The following IKZF1 variants were observed in gnomAD, a reference collection of about 807,000 sequenced individuals.
The protein encoded by IKZF1 is IKAROS family zinc finger 1.
In IKZF1, 10 loss-of-function variants were observed where a neutral mutation model predicts 51.7. The ratio of observed to expected loss-of-function variants is 0.19; its 90% CI spans 0.12 to 0.33. The LOEUF is 0.33. Ranked by LOEUF, IKZF1 falls within the 10% of genes least tolerant of loss-of-function variation. IKZF1 has a pLI of 1.00. For missense variants in IKZF1, 484 were observed against 707.5 expected, an observed-to-expected ratio of 0.68 and a Z score of 3.58; for synonymous variants, 280 against 282.3, an observed-to-expected ratio of 0.99 and a Z score of 0.08.
intron 3 of IKZF1, among the ~76,000 whole-genome samples, chr7:50,351,085 G>T (rs1257251336): frequency 2.0e-5 from 3 of 152,084 alleles, no homozygotes; most frequent in Non-Finnish European, 2.9e-5. Context: ...ATTAACTATA[G>T]ACTTCATTAG....
intron 2 of IKZF1, among the ~76,000 whole-genome samples, chr7:50,325,496 C>T (rs1452638611): frequency 6.6e-5 from 10 of 152,208 alleles, no homozygotes; most frequent in African/African-American, 1.2e-4. Flanking sequence ...ATTTATAGGC[C>T]GGGCGCAGTG....
intron 3 of IKZF1, chr7:50,368,192 A>G: frequency 2.8e-6 from 2 of 703,304 alleles, no homozygotes. Flanking sequence ...TATTCGTTAG[A>G]CACCTACCAT....
intron 4 of IKZF1, among the ~76,000 whole-genome samples, chr7:50,380,089 G>A (rs749126154): frequency 2.0e-4 from 30 of 152,282 alleles, no homozygotes; most frequent in South Asian, 1.0e-3. Context: ...CACACATGGC[G>A]TGGGCTGCGT....
rs1585035548 is a variant in IKZF1 at position 50,399,937 on chromosome 7, C to T, written c.870C>T (p.Asp290=). ...QKFLGDKGLS[D]TPYDSSASYE... ...CCACAGGGGACAAGGGCCTGTCCGA[C>T]ACGCCCTACGACAGCAGCGCCAGCT... The change falls in exon 8 of 8, where the codon GAC becomes GAT. Residue 290 remains aspartate (D), a synonymous_variant. Coordinates refer to ENST00000331340, the MANE Select transcript of IKZF1 (RefSeq NM_006060.6). 6.2e-7 allele frequency: 1 copy of T among 1,612,794 alleles called. No homozygotes were observed. Among genetic ancestry groups the T allele is most frequent in the Non-Finnish European group, 8.5e-7 (1 of 1,179,646 alleles).
chr7:50,323,994 A>G (rs1206287008), intron 2 of IKZF1, among the ~76,000 whole-genome samples: 5 of 152,212 alleles, frequency 3.3e-5, no homozygotes, highest in African/African-American at 1.2e-4. Flanking sequence ...TCAAGCCAGA[A>G]AGCCAGAACT....
intron 3 of IKZF1, among the ~76,000 whole-genome samples, chr7:50,346,294 C>G (rs578166418): frequency 2.0e-5 from 3 of 152,164 alleles, no homozygotes; most frequent in Non-Finnish European, 4.4e-5. Context: ...GTGATCACCT[C>G]GCCTATTGAG....
intron 2 of IKZF1, among the ~76,000 whole-genome samples, chr7:50,319,378 A>C (rs1792507003): frequency 6.6e-6 from 1 of 152,216 alleles, no homozygotes; most frequent in East Asian, 1.9e-4. Context: ...TTGGAAGGAA[A>C]AATGGCTGAT....
chr7:50,311,250 G>A (rs538826865), intron 1 of IKZF1, among the ~76,000 whole-genome samples: 2 of 152,284 alleles, frequency 1.3e-5, no homozygotes, highest in African/African-American at 4.8e-5. Context: ...TATAGGTCAG[G>A]CCAAAGCAGC....
chr7:50,362,850 C>A (rs1246022851), intron 3 of IKZF1, among the ~76,000 whole-genome samples: 1 of 152,088 alleles, frequency 6.6e-6, no homozygotes, highest in African/African-American at 2.4e-5. Context: ...TGCCTGAAAG[C>A]AAGGTCCCCA....
chr7:50,381,543 T>C (rs1811850555), intron 4 of IKZF1, among the ~76,000 whole-genome samples: 1 of 152,236 alleles, frequency 6.6e-6, no homozygotes, highest in Non-Finnish European at 1.5e-5. Context: ...CTCAGATACC[T>C]GTTTATCCCT....
intron 3 of IKZF1, among the ~76,000 whole-genome samples, chr7:50,347,527 T>G (rs1297629810): frequency 6.6e-6 from 1 of 152,238 alleles, no homozygotes; most frequent in Non-Finnish European, 1.5e-5. Flanking sequence ...AATCCCACAA[T>G]GCACCTGAGC....
At chr7:50,349,397 G>A (rs1314995382) in intron 3 of IKZF1, among the ~76,000 whole-genome samples, 1 of 152,196 alleles carries the variant, frequency 6.6e-6, no homozygotes, top group Non-Finnish European at 1.5e-5. Context: ...AAACAGTTTT[G>A]ATGAGAAGCG....
At chr7:50,360,265 C>A (rs73348134) in intron 3 of IKZF1, among the ~76,000 whole-genome samples, 1,982 of 152,106 alleles carry the variant, frequency 0.013, 43 homozygotes, top group African/African-American at 0.046. Flanking sequence ...TGACACCCTG[C>A]CAGCCCTGGG....
At chr7:50,324,457 C>T (rs1445567893) in intron 2 of IKZF1, among the ~76,000 whole-genome samples, 2 of 152,156 alleles carry the variant, frequency 1.3e-5, no homozygotes, top group African/African-American at 4.8e-5. Flanking sequence ...CTGTACATAC[C>T]AAGACTGATT....
chr7:50,403,573 A>G lies in IKZF1; in HGVS notation c.*2946A>G, dbSNP rs1818495851. On this transcript the variant is annotated 3_prime_UTR_variant, in exon 8 of 8. Coordinates refer to ENST00000331340, the MANE Select transcript of IKZF1 (RefSeq NM_006060.6). Reference sequence around the variant, plus strand: ...CCTGGATCTCAGCTCCTTGCCCCATATCCCTTCTGTAATTTGTACCTAAAG... The same window carrying G: ...CCTGGATCTCAGCTCCTTGCCCCATGTCCCTTCTGTAATTTGTACCTAAAG... The G allele has an allele frequency of 4.4e-6, 1 of 229,408 alleles. No homozygotes were observed. The highest frequency in any genetic ancestry group is 8.6e-6 in the Non-Finnish European group (1 of 115,614). The allele number at this position is 229,408 out of a possible 1,614,324, so 14.2% of individuals were successfully genotyped here.
In IKZF1 at chr7:50,373,361, C is replaced by T. The variant is rs151219877; in HGVS notation, c.161-3172C>T. Among the ~76,000 whole-genome samples, 208 of 152,348 alleles carry T rather than the reference C, an allele frequency of 1.4e-3. 1 individual carries two copies. The Middle Eastern group carries it at 0.017, about 12-fold the overall frequency. On this transcript the variant is annotated intron_variant, in intron 3 of 7. Transcript: ENST00000331340. The stretch of plus-strand genomic sequence containing the variant: ...ACTCATTCTTAATGATCCAGAAGAA[C>T]AAGTGATAGCTTCTGGCAAGTTCTA...
At chr7:50,390,949 T>G (rs1295685843) in intron 6 of IKZF1, among the ~76,000 whole-genome samples, 1 of 152,156 alleles carries the variant, frequency 6.6e-6, no homozygotes, top group Non-Finnish European at 1.5e-5. Flanking sequence ...AGATAATCAG[T>G]TTACATTATC....
At chr7:50,325,626 T>G (rs1364653249) in intron 2 of IKZF1, among the ~76,000 whole-genome samples, 3 of 151,718 alleles carry the variant, frequency 2.0e-5, no homozygotes, top group Non-Finnish European at 2.9e-5. Context: ...ATACAAAAAT[T>G]TAGTTGGGCA....
chr7:50,351,989 A>G (rs761791895), intron 3 of IKZF1, among the ~76,000 whole-genome samples: 4 of 152,234 alleles, frequency 2.6e-5, no homozygotes, highest in Non-Finnish European at 5.9e-5. Context: ...GTGGGCACAC[A>G]CAGTAAATTA....
Sources: allele counts gnomAD v4.1 joint callset (sites outside exome capture counted in the v4.1 genomes callset), GRCh38; gene constraint gnomAD v4.1.1; transcripts MANE v1.5; gene names NCBI Gene and HGNC (gene_info 2026-07-23, HGNC 2026-07-21).